The following DAG1 variants were observed in gnomAD, a reference collection of about 807,000 sequenced individuals.
The protein encoded by DAG1 is dystroglycan 1, also known as dystroglycan 1 (dystrophin-associated glycoprotein 1).
A neutral mutation model predicts 46.1 loss-of-function variants in DAG1; 8 were observed. The observed-to-expected ratio is 0.17, with a 90% CI of 0.10 to 0.31. The LOEUF (loss-of-function observed/expected upper bound fraction) is 0.31. Ranked by LOEUF, DAG1 falls within the 10% of genes least tolerant of loss-of-function variation. The pLI is 1.00. For synonymous variants in DAG1, 495 were observed against 481.8 expected (o/e 1.03, Z -0.36); for missense variants, 1,003 against 1,189.9 (o/e 0.84, Z 2.31).
intron 2 of DAG1, among the ~76,000 whole-genome samples, chr3:49,525,854 G>A (rs1400660873): frequency 3.3e-5 from 5 of 149,326 alleles, no homozygotes; most frequent in Non-Finnish European, 5.9e-5. Context: ...CACCGCGCTC[G>A]GCCTTTTTTT....
chr3:49,531,118 A>T lies in DAG1; in HGVS notation c.607A>T (p.Thr203Ser), dbSNP rs200094365. 4.8e-4 allele frequency: 768 copies of T among 1,614,110 alleles called. 11 individuals are homozygous for T. Among genetic ancestry groups the T allele is most frequent in the Non-Finnish European group, 1.4e-5 (16 of 1,180,018 alleles). The change falls in exon 3 of 3, where the codon ACC becomes TCC. Residue 203 changes from threonine to serine, a missense_variant. This residue lies in a region of DAG1 where 52 missense variants were observed against 96.7 expected (regional missense o/e 0.54). Transcript: ENST00000308775. This position sits in a 1 kb window ranked among gnomAD's most constrained non-coding sequence, Gnocchi z 7.0. Reference sequence around the variant, plus strand: ...TTTGGATGCCGACCTCACCAAGATGACCCCAAAGCAAAGGATTGACCTCCT... The same window carrying T: ...TTTGGATGCCGACCTCACCAAGATGTCCCCAAAGCAAAGGATTGACCTCCT... Reference protein sequence around the residue: ...VILDADLTKMTPKQRIDLLHR... With the variant: ...VILDADLTKMSPKQRIDLLHR...
rs772614314 is a variant in DAG1 at position 49,531,641 on chromosome 3, T to C, written c.1130T>C (p.Ile377Thr). 7.4e-6 allele frequency: 12 copies of C among 1,612,794 alleles called. No individual in the cohort carries two copies. The South Asian group carries it at 1.2e-4, about 16-fold the overall frequency. The change falls in exon 3 of 3, where the codon ATT (isoleucine) becomes ACT (threonine). Residue 377 changes from isoleucine (I) to threonine (T), a missense_variant. Transcript: ENST00000308775. This position sits in a 1 kb window ranked among gnomAD's most constrained non-coding sequence, Gnocchi z 7.0. ...TVTIRTRGAIIQTPTLGPIQP... is the reference protein window; with the variant it reads ...TVTIRTRGAITQTPTLGPIQP... ...ACCATCCGGACTCGAGGCGCCATTA[T>C]TCAAACCCCAACCCTAGGCCCCATC... is the stretch of plus-strand genomic sequence containing the variant.
At chr3:49,527,246 C>T (rs552138389) in intron 2 of DAG1, among the ~76,000 whole-genome samples, 110 of 150,936 alleles carry the variant, frequency 7.3e-4, no homozygotes, top group African/African-American at 2.6e-3. Flanking sequence ...GAAAAATTGC[C>T]GGGCGCGGTG....
intron 1 of DAG1, among the ~76,000 whole-genome samples, chr3:49,486,363 C>T (rs1433017244): frequency 2.0e-5 from 3 of 150,514 alleles, no homozygotes; most frequent in South Asian, 2.1e-4. Flanking sequence ...GGACTATAGG[C>T]GCATGCCACC....
intron 1 of DAG1, among the ~76,000 whole-genome samples, chr3:49,490,880 C>CTTTTTT (rs972440561): frequency 3.3e-4 from 29 of 87,850 alleles, no homozygotes; most frequent in African/African-American, 4.7e-4. Flanking sequence ...CTCCTAAATT[C>CTTTTTT]TTTTTTTTTT....
chr3:49,529,938 G>C (rs1458841885), intron 2 of DAG1, among the ~76,000 whole-genome samples: 1 of 152,148 alleles, frequency 6.6e-6, no homozygotes, highest in African/African-American at 2.4e-5. Context: ...AGATGCTGTT[G>C]AGTTGGAATA....
intron 1 of DAG1, among the ~76,000 whole-genome samples, chr3:49,499,173 T>A (rs910737795): frequency 2.0e-5 from 3 of 152,190 alleles, no homozygotes; most frequent in Non-Finnish European, 4.4e-5. Context: ...GTCTCCCAAC[T>A]TTTCTTTTAT....
At chr3:49,521,105 G>A (rs1460494023) in intron 2 of DAG1, among the ~76,000 whole-genome samples, 2 of 152,018 alleles carry the variant, frequency 1.3e-5, no homozygotes, top group Admixed American at 1.3e-4. Context: ...ACTGGCTTGG[G>A]GTGAGAGACT....
chr3:49,528,913 T>G (rs575772390), intron 2 of DAG1, among the ~76,000 whole-genome samples: 1 of 151,254 alleles, frequency 6.6e-6, no homozygotes, highest in African/African-American at 2.4e-5. Flanking sequence ...TGCAGTGGCG[T>G]GATCTCAGTT....
intron 1 of DAG1, among the ~76,000 whole-genome samples, chr3:49,486,233 T>TA (rs1457247313): frequency 1.3e-5 from 2 of 149,306 alleles, no homozygotes; most frequent in East Asian, 1.9e-4. Context: ...TTTATTTATT[T>TA]TTTGAGACGG....
At chr3:49,482,496 C>T (rs1200938736) in intron 1 of DAG1, among the ~76,000 whole-genome samples, 1 of 152,096 alleles carries the variant, frequency 6.6e-6, no homozygotes, top group African/African-American at 2.4e-5. Context: ...TGGGGGGAGG[C>T]GAGACATGTT....
chr3:49,527,547 C>G (rs541616297), intron 2 of DAG1, among the ~76,000 whole-genome samples: 1 of 148,212 alleles, frequency 6.7e-6, no homozygotes, highest in Non-Finnish European at 1.5e-5. Context: ...CAACAAAACA[C>G]GAAAAATTAG....
intron 2 of DAG1, among the ~76,000 whole-genome samples, chr3:49,523,553 G>T (rs2051094483): frequency 6.6e-6 from 1 of 152,060 alleles, no homozygotes; most frequent in South Asian, 2.1e-4. Flanking sequence ...TATGATTTTG[G>T]CTCCCTCATT....
At position 49,521,930 on chromosome 3, in the gene DAG1, A is replaced by G. The variant is rs191494953; in HGVS notation, c.286-8867A>G. Among the ~76,000 whole-genome samples the G allele has an allele frequency of 1.2e-3, 180 of 152,092 alleles. 3 individuals carry two copies. Among genetic ancestry groups the G allele is most frequent in the Admixed American group, 0.012 (177 of 15,284 alleles). ...GGTGGCACGATCTTGGCTCACTGCA[A>G]TCTCCACCTCCCGGGTTCAAGCAAT... On this transcript the variant is annotated intron_variant, in intron 2 of 2. Coordinates refer to ENST00000308775, the MANE Select transcript of DAG1 (RefSeq NM_004393.6).
chr3:49,527,093 T>C (rs758841072), intron 2 of DAG1, among the ~76,000 whole-genome samples: 7 of 152,124 alleles, frequency 4.6e-5, no homozygotes, highest in Non-Finnish European at 1.0e-4. Flanking sequence ...CTATTTTCTG[T>C]TAAAAAGTGC....
intron 1 of DAG1, among the ~76,000 whole-genome samples, chr3:49,480,294 C>T (rs1164915711): frequency 2.8e-5 from 3 of 105,866 alleles, no homozygotes; most frequent in African/African-American, 7.2e-5. Context: ...TTTTGGGAGA[C>T]GGACGGAGTC....
At chr3:49,518,085 ACT>A (rs2050942008) in intron 2 of DAG1, among the ~76,000 whole-genome samples, 1 of 152,220 alleles carries the variant, frequency 6.6e-6, no homozygotes, top group African/African-American at 2.4e-5. Flanking sequence ...CTGGTGAAGA[ACT>A]GAGGTAGGAG....
chr3:49,493,639 C>G (rs1287735712), intron 1 of DAG1, among the ~76,000 whole-genome samples: 1 of 152,194 alleles, frequency 6.6e-6, no homozygotes, highest in African/African-American at 2.4e-5. Context: ...ATAGAAGAGC[C>G]TGAACTGGAC....
intron 1 of DAG1, among the ~76,000 whole-genome samples, chr3:49,474,037 G>A (rs570118687): frequency 6.6e-6 from 1 of 151,964 alleles, no homozygotes; most frequent in South Asian, 2.1e-4. Flanking sequence ...ACAGGCGCAC[G>A]CCATCACTCC....
Sources: gnomAD v4.1 joint callset for allele counts (sites outside exome capture counted in the v4.1 genomes callset) on GRCh38, gnomAD v4.1.1 for gene constraint, gnomAD v4.1.1 regional missense constraint, Gnocchi (gnomAD v3.1) non-coding constraint, MANE v1.5 for transcripts, NCBI Gene and HGNC (gene_info 2026-07-23, HGNC 2026-07-21) for gene names.